The following DNMT1 variants were observed in gnomAD, a reference collection of about 807,000 sequenced individuals.
DNMT1 encodes the protein DNA methyltransferase 1.
In DNMT1, 24 loss-of-function variants were observed where a neutral mutation model predicts 205.3. That is an observed-to-expected ratio of 0.12 (90% CI 0.08 to 0.16). DNMT1 has a LOEUF of 0.16. Ranked by LOEUF, DNMT1 falls within the 10% of genes least tolerant of loss-of-function variation. The pLI is 1.00. For synonymous variants in DNMT1, 817 were observed against 839.8 expected (o/e 0.97, Z 0.47); for missense variants, 1,293 against 2,177.7 (o/e 0.59, Z 8.09).
At chr19:10,149,049 C>A in intron 26 of DNMT1, 32 bp from the exon 27 acceptor site, 4 of 1,612,406 alleles carry the variant, frequency 2.5e-6, no homozygotes, top group Non-Finnish European at 3.4e-6. Context: ...TCAGGCCAGG[C>A]GCAGTGGCTC....
Position 10,138,031 on chromosome 19 carries a change from A to G in DNMT1, c.4116-22T>C, listed in dbSNP as rs530146603. The G allele has an allele frequency of 2.6e-5, 41 of 1,604,222 alleles. No homozygotes were observed. Among genetic ancestry groups the G allele is most frequent in the Non-Finnish European group, 3.3e-5 (39 of 1,175,496 alleles). ...CAACCTGCAACAGAGGAGGAGGTCA[A>G]CACCTCTGGAGATGCACGCAGCAGC... On this transcript the variant is annotated intron_variant, in intron 35 of 40. Coordinates refer to ENST00000359526, the MANE Select transcript of DNMT1 (RefSeq NM_001130823.3). The surrounding 1 kb of genome is among the most constrained non-coding windows in gnomAD (Gnocchi z 4.1).
chr19:10,179,072 T>C (rs2038989986), intron 5 of DNMT1, among the ~76,000 whole-genome samples: 1 of 137,752 alleles, frequency 7.3e-6, no homozygotes, highest in South Asian at 2.2e-4. Context: ...GAGCTTGCAG[T>C]GAGCCGAGAT....
At chr19:10,135,138 G>C (rs572997201) in intron 39 of DNMT1, among the ~76,000 whole-genome samples, 1 of 151,544 alleles carries the variant, frequency 6.6e-6, no homozygotes, top group Non-Finnish European at 1.5e-5. Flanking sequence ...CTTAAAACCA[G>C]GGGGGTGGAA....
Position 10,140,161 on chromosome 19 carries a change from C to T in DNMT1, c.3691G>A (p.Gly1231Arg), listed in dbSNP as rs759915904. 1.2e-6 allele frequency: 2 copies of T among 1,613,900 alleles called. No individual in the cohort carries two copies. Among genetic ancestry groups the T allele is most frequent in the Non-Finnish European group, 1.7e-6 (2 of 1,180,046 alleles). Residue 1231 changes from glycine to arginine, a missense_variant, in exon 33 of 41, where the codon GGA (glycine) becomes AGA (arginine). Physicochemically the swap from Gly to Arg is moderately radical, Grantham distance 125. Around this residue, in one of 13 missense-constraint regions of DNMT1, gnomAD observed 24 missense variants for 27.2 expected, o/e 0.88. Transcript: ENST00000359526. The surrounding 1 kb of genome is among the most constrained non-coding windows in gnomAD (Gnocchi z 8.4). ...CCGCCGCACAGCATCTCCACGTCTC[C>T]CTTCTGGGGCAGCCGCTGGCCGCGG... ...NSRGQRLPQK[G>R]DVEMLCGGPP...
intron 19 of DNMT1, 101 bp downstream of exon 19, chr19:10,155,752 G>A (rs2038444359): frequency 3.9e-6 from 5 of 1,270,906 alleles, no homozygotes; most frequent in Non-Finnish European, 5.6e-6. Flanking sequence ...CCTTCTGCAA[G>A]CCTGCTGAGA....
At chr19:10,163,687 G>A (rs2038628260) in intron 11 of DNMT1, among the ~76,000 whole-genome samples, 1 of 152,204 alleles carries the variant, frequency 6.6e-6, no homozygotes, top group Non-Finnish European at 1.5e-5. Flanking sequence ...TCTCTGCTAT[G>A]GTAGCACAAA....
intron 11 of DNMT1, among the ~76,000 whole-genome samples, chr19:10,166,005 T>C (rs948863646): frequency 2.0e-5 from 3 of 152,060 alleles, no homozygotes; most frequent in Admixed American, 1.3e-4. Context: ...AGAGACCCTC[T>C]TGGGGTCTTC....
rs1351910032 is a variant in DNMT1 at position 10,180,826 on chromosome 19, A to T, written c.177T>A (p.Asn59Lys). The T allele has an allele frequency of 1.9e-6, 3 of 1,614,178 alleles. No homozygotes were observed. The highest frequency in any genetic ancestry group is 2.5e-6 in the Non-Finnish European group (3 of 1,180,036). The change falls in exon 3 of 41, where the codon AAT becomes AAA. Residue 59 changes from asparagine to lysine, a missense_variant. Asn to Lys is a moderately conservative substitution (Grantham distance 94). Around this residue, in one of 13 missense-constraint regions of DNMT1, gnomAD observed 394 missense variants for 451.6 expected, o/e 0.87. Transcript: ENST00000359526. ...ATTTGGTTTCCAAGTCACATAACTG[A>T]TTCTTTATTTCTGTTTGCAGAAATT... is the stretch of plus-strand genomic sequence containing the variant. Reference protein sequence around the residue: ...LHEFLQTEIKNQLCDLETKLR... With the variant: ...LHEFLQTEIKKQLCDLETKLR...
Position 10,159,554 on chromosome 19 carries a change from G to A in DNMT1, c.1280+104C>T. 1 of 1,148,996 alleles carries A rather than the reference G, an allele frequency of 8.7e-7. No homozygotes were observed. The highest frequency in any genetic ancestry group is 1.3e-6 in the Non-Finnish European group (1 of 779,104). 71.2% of individuals were successfully genotyped at this position (1,148,996 alleles called of 1,614,324 possible). A position where few individuals can be genotyped will look rare whatever the true frequency, so the allele number is the denominator to read the frequency against. ...ACGAAGTGTTAGCTTAAGACATGTT[G>A]CAGGTCAGGCACTAAAAAACATCAC... On this transcript the variant is annotated intron_variant, in intron 17 of 40. Transcript: ENST00000359526. The surrounding 1 kb of genome is among the most constrained non-coding windows in gnomAD (Gnocchi z 5.0).
intron 24 of DNMT1, among the ~76,000 whole-genome samples, chr19:10,150,172 T>A (rs2038308019): frequency 6.6e-6 from 1 of 152,224 alleles, no homozygotes; most frequent in Non-Finnish European, 1.5e-5. Context: ...CTTGGCCAGA[T>A]GCTGTGGCCA....
Position 10,170,214 on chromosome 19 carries a change from G to A in DNMT1, c.769-1850C>T, listed in dbSNP as rs149054973. On this transcript the variant is annotated intron_variant, in intron 9 of 40. Coordinates refer to ENST00000359526, the MANE Select transcript of DNMT1 (RefSeq NM_001130823.3). ...GCAGGAGAATCGCTGGAACCCAGGG[G>A]GTGGAGGTTGTAGTGAGCTAAAATT... Among the ~76,000 whole-genome samples, 78 of 151,932 alleles carry A rather than the reference G, an allele frequency of 5.1e-4. 2 individuals are homozygous for A. In the East Asian group the frequency reaches 0.014, roughly 27 times the overall value.
Position 10,179,488 on chromosome 19 carries a change from C to T in DNMT1, c.493+699G>A, listed in dbSNP as rs138144895. The stretch of plus-strand genomic sequence containing the variant: ...ACCTCAGGTGATCCAGCCACCTTGG[C>T]CACCCAAAGTGCAGGGATTACAGGC... On this transcript the variant is annotated intron_variant, in intron 5 of 40. Transcript: ENST00000359526. 7.4e-4 allele frequency among the ~76,000 whole-genome samples: 113 copies of T among 152,144 alleles called. 2 individuals are homozygous for T. The East Asian group carries it at 0.02, about 27-fold the overall frequency.
Position 10,151,666 on chromosome 19 carries a change from C to T in DNMT1, c.2117+84G>A. On this transcript the variant is annotated intron_variant, in intron 23 of 40. Coordinates refer to ENST00000359526, the MANE Select transcript of DNMT1 (RefSeq NM_001130823.3). This position sits in a 1 kb window ranked among gnomAD's most constrained non-coding sequence, Gnocchi z 5.0. Reference sequence around the variant, plus strand: ...TAACGAAGGAATCCTGGTGCTGTCCCACACATGCAGGCCCTTCTCCACAGT... The same window carrying T: ...TAACGAAGGAATCCTGGTGCTGTCCTACACATGCAGGCCCTTCTCCACAGT... The T allele has an allele frequency of 6.2e-7, 1 of 1,607,390 alleles. No homozygotes were observed. The highest frequency in any genetic ancestry group is 8.5e-7 in the Non-Finnish European group (1 of 1,174,860).
At chr19:10,136,035 C>T (rs951028391) in intron 38 of DNMT1, 86 bp downstream of exon 38, 2 of 1,587,866 alleles carry the variant, frequency 1.3e-6, no homozygotes, top group Non-Finnish European at 1.7e-6. Flanking sequence ...TGCTGTCCCC[C>T]ACTTGGCTAA....
At chr19:10,135,050 A>G (rs1239584838) in intron 39 of DNMT1, among the ~76,000 whole-genome samples, 1 of 151,786 alleles carries the variant, frequency 6.6e-6, no homozygotes, top group Non-Finnish European at 1.5e-5. Context: ...CATCTCTACT[A>G]AAAATACAAA....
At chr19:10,183,612 C>A (rs2039123401) in intron 1 of DNMT1, among the ~76,000 whole-genome samples, 1 of 152,108 alleles carries the variant, frequency 6.6e-6, no homozygotes, top group South Asian at 2.1e-4. Context: ...TCCCAACATA[C>A]AGCAGCAGTT....
intron 39 of DNMT1, chr19:10,135,415 A>C: frequency 2.4e-6 from 1 of 418,820 alleles, no homozygotes; most frequent in South Asian, 2.2e-5. Context: ...GTAGGAATTA[A>C]GGTGCTAGTT....
intron 1 of DNMT1, among the ~76,000 whole-genome samples, chr19:10,193,813 A>G (rs943380549): frequency 6.6e-6 from 1 of 152,188 alleles, no homozygotes; most frequent in Non-Finnish European, 1.5e-5. Flanking sequence ...GTGCTTTCAC[A>G]AATCCAGCTG....
At chr19:10,157,844 G>A (rs2145316056) in intron 17 of DNMT1, among the ~76,000 whole-genome samples, 1 of 152,322 alleles carries the variant, frequency 6.6e-6, no homozygotes, top group East Asian at 1.9e-4. Context: ...CCGCTGCACA[G>A]GTGGGCTGGA....
Sources: allele counts gnomAD v4.1 joint callset (sites outside exome capture counted in the v4.1 genomes callset), GRCh38; gene constraint gnomAD v4.1.1; regional missense constraint gnomAD v4.1.1; non-coding constraint Gnocchi (gnomAD v3.1); transcripts MANE v1.5; gene names NCBI Gene and HGNC (gene_info 2026-07-23, HGNC 2026-07-21).